KCNH8: variants seen among roughly 807,000 people sequenced by gnomAD.
KCNH8 encodes voltage-gated delayed rectifier potassium channel KCNH8.
KCNH8 carries 70 observed loss-of-function variants against 103.6 expected under a neutral mutation model. The ratio of observed to expected loss-of-function variants is 0.68; its 90% CI spans 0.56 to 0.82. KCNH8 has a LOEUF of 0.82. KCNH8 is among the 40% of genes least tolerant of loss of function. The pLI is 0.00. For missense variants in KCNH8, 1,217 were observed against 1,329.9 expected, an observed-to-expected ratio of 0.92 and a Z score of 1.32; for synonymous variants, 498 against 489.4, an observed-to-expected ratio of 1.02 and a Z score of -0.23.
intron 5 of KCNH8, among the ~76,000 whole-genome samples, chr3:19,374,638 C>T (rs1047030593): frequency 6.6e-6 from 1 of 151,652 alleles, no homozygotes; most frequent in Non-Finnish European, 1.5e-5. Flanking sequence ...TGAATTCGAT[C>T]CTGTCATTAT....
chr3:19,372,597 G>C (rs78344582), intron 5 of KCNH8, among the ~76,000 whole-genome samples: 75,001 of 151,786 alleles, frequency 0.49, 19,510 homozygotes, highest in African/African-American at 0.65. Flanking sequence ...ATTGAATACC[G>C]TTTATTTCCT....
At chr3:19,356,786 T>C (rs1218642477) in intron 5 of KCNH8, among the ~76,000 whole-genome samples, 1 of 151,898 alleles carries the variant, frequency 6.6e-6, no homozygotes, top group East Asian at 1.9e-4. Context: ...TTTGCTTGAG[T>C]TTACAGTTAA....
intron 1 of KCNH8, among the ~76,000 whole-genome samples, chr3:19,149,691 C>T (rs1403967296): frequency 6.6e-6 from 1 of 152,118 alleles, no homozygotes; most frequent in African/African-American, 2.4e-5. Flanking sequence ...TACTACCACC[C>T]CTAACAAATG....
intron 3 of KCNH8, among the ~76,000 whole-genome samples, chr3:19,306,962 C>G (rs2065138230): frequency 6.6e-6 from 1 of 151,834 alleles, no homozygotes; most frequent in Non-Finnish European, 1.5e-5. Context: ...ACTAGCAGAC[C>G]TCAAAGTATA....
chr3:19,240,347 T>C lies in KCNH8; in HGVS notation c.77-13307T>C, dbSNP rs2064122325. On this transcript the variant is annotated intron_variant, in intron 1 of 15. Coordinates refer to ENST00000328405, the MANE Select transcript of KCNH8 (RefSeq NM_144633.3). ...CAGAAATTAGGCCAGGCGCAGTGGC[T>C]CATGCCTGTAATCCCATCACTTTGG... 2.0e-5 allele frequency among the ~76,000 whole-genome samples: 3 copies of C among 152,184 alleles called. No individual in the cohort carries two copies. In the South Asian group the frequency reaches 6.2e-4, roughly 31 times the overall value.
intron 3 of KCNH8, among the ~76,000 whole-genome samples, chr3:19,310,328 G>A (rs565024978): frequency 3.4e-4 from 52 of 151,890 alleles, no homozygotes; most frequent in African/African-American, 1.2e-3. Flanking sequence ...TTTACTACTT[G>A]TTAAAGAATA....
At chr3:19,229,602 C>T (rs2063970130) in intron 1 of KCNH8, among the ~76,000 whole-genome samples, 1 of 152,204 alleles carries the variant, frequency 6.6e-6, no homozygotes, top group South Asian at 2.1e-4. Context: ...CCAGGCCCAG[C>T]CCAAGAAACA....
chr3:19,165,043 C>T (rs1201610777), intron 1 of KCNH8, among the ~76,000 whole-genome samples: 1 of 152,044 alleles, frequency 6.6e-6, no homozygotes, highest in Non-Finnish European at 1.5e-5. Flanking sequence ...CATGAAGAAA[C>T]TTTTGGGGGT....
chr3:19,430,675 G>A (rs1048298267), intron 7 of KCNH8, among the ~76,000 whole-genome samples: 1 of 152,010 alleles, frequency 6.6e-6, no homozygotes, highest in Non-Finnish European at 1.5e-5. Flanking sequence ...GTGTTTTGTA[G>A]TTCTCTTAAT....
chr3:19,434,400 A>C (rs2067166040), intron 7 of KCNH8, among the ~76,000 whole-genome samples: 1 of 152,212 alleles, frequency 6.6e-6, no homozygotes, highest in Non-Finnish European at 1.5e-5. Flanking sequence ...TCCCTTACAC[A>C]GACATAAAGA....
chr3:19,148,725 G>T lies in KCNH8; in HGVS notation c.6G>T (p.Pro2=), dbSNP rs759032618. ...TTTCACACCACGCTGGAAAAATGCC[G>T]GTTATGAAAGGATTACTGGCGCCGC... M[P]VMKGLLAPQN... Residue 2 remains proline, a synonymous_variant, in exon 1 of 16, where the codon CCG becomes CCT. Transcript: ENST00000328405. 2.3e-5 allele frequency: 37 copies of T among 1,613,930 alleles called. No individual in the cohort carries two copies. The highest frequency in any genetic ancestry group is 3.1e-5 in the Non-Finnish European group (37 of 1,179,928).
chr3:19,264,541 A>T (rs937191731), intron 2 of KCNH8, among the ~76,000 whole-genome samples: 1 of 152,060 alleles, frequency 6.6e-6, no homozygotes, highest in Non-Finnish European at 1.5e-5. Context: ...AGTGAGACAA[A>T]CGTAGAGATC....
intron 7 of KCNH8, among the ~76,000 whole-genome samples, chr3:19,413,003 C>T (rs2066804986): frequency 6.6e-6 from 1 of 152,038 alleles, no homozygotes; most frequent in African/African-American, 2.4e-5. Context: ...ACCCAGCAAT[C>T]TCATTACTGG....
chr3:19,434,313 C>A (rs1260298642), intron 7 of KCNH8, among the ~76,000 whole-genome samples: 4 of 152,200 alleles, frequency 2.6e-5, no homozygotes, highest in African/African-American at 9.7e-5. Context: ...AAATCTCAAG[C>A]TTTTCTCTGA....
chr3:19,413,700 C>T (rs1392191386), intron 7 of KCNH8, among the ~76,000 whole-genome samples: 1 of 151,964 alleles, frequency 6.6e-6, no homozygotes, highest in Non-Finnish European at 1.5e-5. Context: ...GACTTCCAGC[C>T]TCTAGCACTT....
At chr3:19,287,062 A>G (rs1331949799) in intron 3 of KCNH8, among the ~76,000 whole-genome samples, 3 of 151,960 alleles carry the variant, frequency 2.0e-5, no homozygotes. Context: ...AGAGTTATGG[A>G]CTGAAGGCAT....
chr3:19,364,738 T>G (rs943438869), intron 5 of KCNH8, among the ~76,000 whole-genome samples: 2 of 152,120 alleles, frequency 1.3e-5, no homozygotes, highest in African/African-American at 4.8e-5. Flanking sequence ...TCATTCTTAT[T>G]AAGAGCTCTC....
intron 11 of KCNH8, among the ~76,000 whole-genome samples, chr3:19,468,641 T>G (rs1376415968): frequency 6.6e-6 from 1 of 152,184 alleles, no homozygotes; most frequent in Non-Finnish European, 1.5e-5. Context: ...ATATAGTAAG[T>G]AGGGTTAAAA....
At chr3:19,208,536 A>T (rs943607797) in intron 1 of KCNH8, among the ~76,000 whole-genome samples, 2 of 152,046 alleles carry the variant, frequency 1.3e-5, no homozygotes, top group African/African-American at 4.8e-5. Context: ...ATTTGATACT[A>T]TTAATCAAAT....
Sources: gnomAD v4.1 joint callset for allele counts (sites outside exome capture counted in the v4.1 genomes callset) on GRCh38, gnomAD v4.1.1 for gene constraint, MANE v1.5 for transcripts, NCBI Gene and HGNC (gene_info 2026-07-23, HGNC 2026-07-21) for gene names.